Variants in PTPN14 observed in about 807,000 individuals in gnomAD.
The protein encoded by PTPN14 is tyrosine-protein phosphatase non-receptor type 14.
A neutral mutation model predicts 126.8 loss-of-function variants in PTPN14; 53 were observed. The observed-to-expected ratio is 0.42, with a 90% confidence interval of 0.34 to 0.53. The LOEUF (loss-of-function observed/expected upper bound fraction) is 0.53. Among genes scored for constraint, PTPN14 ranks in the 20% least tolerant of loss-of-function variants. The pLI, the probability that PTPN14 is intolerant of heterozygous loss-of-function variation, is 0.08. For missense variants in PTPN14, 1,257 were observed against 1,552.9 expected (o/e 0.81, Z 3.20); for synonymous variants, 630 against 599.3 (o/e 1.05, Z -0.75).
intron 1 of PTPN14, among the ~76,000 whole-genome samples, chr1:214,495,936 C>T (rs774491212): frequency 3.9e-5 from 6 of 152,030 alleles, no homozygotes; most frequent in East Asian, 3.9e-4. Flanking sequence ...TCTGGTGATC[C>T]GCCCTGCCTC....
intron 18 of PTPN14, among the ~76,000 whole-genome samples, chr1:214,358,909 A>ATTTTTTTTT (rs2102501920): frequency 6.6e-6 from 1 of 151,038 alleles, no homozygotes; most frequent in East Asian, 2.0e-4. Context: ...CGCCCGGCTA[A>ATTTTTTTTT]TTTTTTGTAT....
chr1:214,495,235 C>A (rs1192814450), intron 1 of PTPN14, among the ~76,000 whole-genome samples: 1 of 152,144 alleles, frequency 6.6e-6, no homozygotes, highest in Non-Finnish European at 1.5e-5. Context: ...CGTTGGTTCC[C>A]TCATCTGTAA....
At chr1:214,427,659 A>G (rs1194752035) in intron 3 of PTPN14, among the ~76,000 whole-genome samples, 1 of 152,194 alleles carries the variant, frequency 6.6e-6, no homozygotes, top group Non-Finnish European at 1.5e-5. Flanking sequence ...GGGGAAGACA[A>G]GCAAAAATCA....
intron 17 of PTPN14, among the ~76,000 whole-genome samples, chr1:214,365,365 CG>C (rs1201808392): frequency 1.3e-5 from 2 of 152,062 alleles, no homozygotes; most frequent in African/African-American, 2.4e-5. Context: ...GGGAGGGGTG[CG>C]TTCATGACTC....
At chr1:214,486,303 A>G (rs894244089) in intron 1 of PTPN14, among the ~76,000 whole-genome samples, 2 of 152,196 alleles carry the variant, frequency 1.3e-5, no homozygotes, top group African/African-American at 4.8e-5. Context: ...ACAGAACAGT[A>G]AATCAAACTT....
chr1:214,478,351 T>G (rs895601465), intron 1 of PTPN14, among the ~76,000 whole-genome samples: 3 of 152,146 alleles, frequency 2.0e-5, no homozygotes, highest in Non-Finnish European at 4.4e-5. Context: ...TGTTACTAAG[T>G]AGGAAAAGTT....
intron 7 of PTPN14, among the ~76,000 whole-genome samples, chr1:214,399,613 T>C (rs897630540): frequency 8.5e-5 from 13 of 152,238 alleles, no homozygotes; most frequent in African/African-American, 2.4e-4. Context: ...AAGCTCTCGA[T>C]GTGTCTCTTT....
At chr1:214,411,154 ACCT>A (rs1188799901) in intron 5 of PTPN14, among the ~76,000 whole-genome samples, 2 of 151,412 alleles carry the variant, frequency 1.3e-5, no homozygotes, top group East Asian at 3.9e-4. Flanking sequence ...CAGAATTTTC[ACCT>A]CCTCAGTTAA....
intron 1 of PTPN14, among the ~76,000 whole-genome samples, chr1:214,497,128 C>T (rs772090839): frequency 6.7e-5 from 10 of 149,570 alleles, no homozygotes; most frequent in Non-Finnish European, 1.0e-4. Flanking sequence ...GGTGGGGGGT[C>T]GGGGGGAAGA....
chr1:214,537,498 CG>C (rs1558147065), intron 1 of PTPN14, among the ~76,000 whole-genome samples: 1 of 151,982 alleles, frequency 6.6e-6, no homozygotes, highest in Non-Finnish European at 1.5e-5. Context: ...TTTCTAAGCC[CG>C]AGTTGTCTCA....
intron 2 of PTPN14, among the ~76,000 whole-genome samples, chr1:214,464,213 A>C (rs1359997977): frequency 2.4e-5 from 2 of 82,380 alleles, no homozygotes; most frequent in Non-Finnish European, 2.4e-5. Context: ...ATATAGAAAC[A>C]ACCAAAAAAA....
At chr1:214,544,878 G>T (rs1281948722) in intron 1 of PTPN14, among the ~76,000 whole-genome samples, 1 of 151,890 alleles carries the variant, frequency 6.6e-6, no homozygotes, top group African/African-American at 2.4e-5. Flanking sequence ...AGGAGGGAAG[G>T]GGAGGTGAGA....
chr1:214,474,328 G>A (rs181093408), intron 1 of PTPN14, among the ~76,000 whole-genome samples: 69 of 152,248 alleles, frequency 4.5e-4, no homozygotes, highest in African/African-American at 1.6e-3. Flanking sequence ...CTTTGCTCAG[G>A]AAACAAAAGA....
At chr1:214,437,798 C>T (rs1006467190) in intron 3 of PTPN14, among the ~76,000 whole-genome samples, 3 of 152,308 alleles carry the variant, frequency 2.0e-5, no homozygotes, top group African/African-American at 7.2e-5. Context: ...AAAATCCCCC[C>T]TGAGATTCTC....
intron 1 of PTPN14, among the ~76,000 whole-genome samples, chr1:214,510,807 G>T (rs72759620): frequency 6.6e-6 from 1 of 152,146 alleles, no homozygotes; most frequent in Non-Finnish European, 1.5e-5. Flanking sequence ...GTGAATGAAT[G>T]ATCTGTCCTC....
At chr1:214,542,757 GA>G (rs994220136) in intron 1 of PTPN14, among the ~76,000 whole-genome samples, 19 of 152,164 alleles carry the variant, frequency 1.2e-4, no homozygotes, top group African/African-American at 4.3e-4. Flanking sequence ...GCCTGTTCAG[GA>G]AACACCTGCA....
At position 214,353,269 on chromosome 1, in the gene PTPN14, T is replaced by A. The variant is rs57810551; in HGVS notation, c.*4653A>T. 1 of 152,110 alleles carries A rather than the reference T, an allele frequency of 6.6e-6. No individual in the cohort carries two copies. Among genetic ancestry groups the A allele is most frequent in the Non-Finnish European group, 1.5e-5 (1 of 68,020 alleles). 9.4% of individuals were successfully genotyped at this position (152,110 alleles called of 1,614,324 possible). ...TTTGCATATAACCTATGCACATCTC[T>A]TGCATACTTTAAATCATCTCTAGAT... On this transcript the variant is annotated 3_prime_UTR_variant, in exon 19 of 19. Coordinates refer to ENST00000366956, the MANE Select transcript of PTPN14 (RefSeq NM_005401.5).
At chr1:214,439,737 C>T (rs57837950) in intron 3 of PTPN14, among the ~76,000 whole-genome samples, 1 of 152,308 alleles carries the variant, frequency 6.6e-6, no homozygotes, top group African/African-American at 2.4e-5. Flanking sequence ...CACCTGCTGA[C>T]ACCTTTCTAC....
intron 17 of PTPN14, among the ~76,000 whole-genome samples, chr1:214,367,504 A>G (rs1014616056): frequency 1.3e-5 from 2 of 152,186 alleles, no homozygotes; most frequent in Admixed American, 6.5e-5. Flanking sequence ...TCCCTCTGTC[A>G]TTCCCCTTTT....
Sources: gnomAD v4.1 joint callset for allele counts (sites outside exome capture counted in the v4.1 genomes callset) on GRCh38, gnomAD v4.1.1 for gene constraint, MANE v1.5 for transcripts, NCBI Gene and HGNC (gene_info 2026-07-23, HGNC 2026-07-21) for gene names.